CD74: variants seen among roughly 807,000 people sequenced by gnomAD.
CD74 encodes the protein HLA class II histocompatibility antigen gamma chain.
Under a neutral mutation model 37.1 loss-of-function variants are expected in CD74, and 20 were observed. The ratio of observed to expected loss-of-function variants is 0.54; its 90% CI spans 0.38 to 0.78. CD74 has a LOEUF of 0.78. Ranked by LOEUF, CD74 falls within the 30% of genes least tolerant of loss-of-function variation. The probability of loss-of-function intolerance (pLI) is 0.00; values close to 1 mark genes in which losing one functional copy is unlikely to be tolerated. For missense variants in CD74, 338 were observed against 389.5 expected (o/e 0.87, Z 1.11); for synonymous variants, 150 against 152.0 (o/e 0.99, Z 0.10).
In CD74 at chr5:150,403,871, TCAAA is replaced by T. The variant is rs1434220243; in HGVS notation, c.626-563_626-560del. ...CAGACTCTATCTCAAAAACAAACAA[TCAAA>T]CAAAAAAACACCATTACAGTTTGGA... On this transcript the variant is annotated intron_variant, in intron 6 of 8. Transcript: ENST00000009530. The surrounding 1 kb of genome is among the most constrained non-coding windows in gnomAD (Gnocchi z 4.5). Among the ~76,000 whole-genome samples, 2 of 151,912 alleles carry T rather than the reference TCAAA, an allele frequency of 1.3e-5. No homozygotes were observed. Among genetic ancestry groups the T allele is most frequent in the African/African-American group, 4.8e-5 (2 of 41,352 alleles).
chr5:150,408,657 G>C (rs776723145), intron 1 of CD74, among the ~76,000 whole-genome samples: 8 of 152,086 alleles, frequency 5.3e-5, no homozygotes, highest in Non-Finnish European at 1.2e-4. Context: ...GGATGCGACT[G>C]GGGGGTGCAT....
intron 1 of CD74, among the ~76,000 whole-genome samples, chr5:150,411,650 G>C (rs1770348561): frequency 6.6e-6 from 1 of 152,178 alleles, no homozygotes; most frequent in Non-Finnish European, 1.5e-5. Flanking sequence ...GTGTCCCCTG[G>C]ATGGCTGTGC....
chr5:150,405,049 G>A (rs1769873244), intron 5 of CD74, 36 bp downstream of exon 5: 5 of 1,586,066 alleles, frequency 3.2e-6, no homozygotes, highest in Middle Eastern at 1.7e-4. Context: ...GACACCAGAG[G>A]AAAGAGAGAG....
At chr5:150,411,635 G>A (rs1770347372) in intron 1 of CD74, among the ~76,000 whole-genome samples, 1 of 152,176 alleles carries the variant, frequency 6.6e-6, no homozygotes, top group African/African-American at 2.4e-5. Context: ...GGAAGTGGGG[G>A]CCTGGTGTCC....
Position 150,403,287 on chromosome 5 carries a change from G to A in CD74, c.651C>T (p.Val217=), listed in dbSNP as rs2151170246. ...CCGGGTGGACAGCAGGGATGTGGCT[G>A]ACCTCTTCCTGGCACTTGGTCAGTA... The part of the protein sequence containing the change: ...PKVLTKCQEE[V]SHIPAVHPGS... The change falls in exon 7 of 9, where the codon GTC becomes GTT. Residue 217 remains valine, a synonymous_variant. Coordinates refer to ENST00000009530, the MANE Select transcript of CD74 (RefSeq NM_001025159.3). The surrounding 1 kb of genome is among the most constrained non-coding windows in gnomAD (Gnocchi z 4.5). 3.1e-6 allele frequency: 5 copies of A among 1,614,054 alleles called. No individual in the cohort carries two copies. Among genetic ancestry groups the A allele is most frequent in the Non-Finnish European group, 4.2e-6 (5 of 1,179,904 alleles).
rs556953829 is a variant in CD74, at chr5:150,412,786, G to C, written c.-37C>G. ...ACCCCCCGGCTCGCCTCTTAAAGTCGGTGCTGGAGAGGAATCTGATTCGTC... is the reference window on the plus strand; with the variant it reads ...ACCCCCCGGCTCGCCTCTTAAAGTCCGTGCTGGAGAGGAATCTGATTCGTC... On this transcript the variant is annotated 5_prime_UTR_variant, in exon 1 of 9. Transcript: ENST00000009530. 1 of 1,612,394 alleles carries C rather than the reference G, an allele frequency of 6.2e-7. No individual in the cohort carries two copies. Among genetic ancestry groups the C allele is most frequent in the South Asian group, 1.1e-5 (1 of 90,976 alleles).
chr5:150,409,357 T>A (rs1237275751), intron 1 of CD74, among the ~76,000 whole-genome samples: 2 of 150,910 alleles, frequency 1.3e-5, no homozygotes, highest in African/African-American at 2.4e-5. Flanking sequence ...TGAAACCCTG[T>A]CTCTACTAAA....
intron 3 of CD74, chr5:150,406,673 C>T: frequency 1.7e-6 from 1 of 585,676 alleles, no homozygotes; most frequent in South Asian, 2.2e-5. Flanking sequence ...GAGGGCTGAG[C>T]CTTCCTCCCA....
At chr5:150,404,902 C>T in intron 5 of CD74, 135 bp from the exon 6 acceptor site, 1 of 821,656 alleles carries the variant, frequency 1.2e-6, no homozygotes, top group Non-Finnish European at 2.0e-6. Context: ...CAGCCTGGTT[C>T]CCTCTTAAAG....
intron 1 of CD74, 75 bp downstream of exon 1, chr5:150,412,550 G>A (rs11739355): frequency 0.12 from 131,030 of 1,108,326 alleles, 8,764 homozygotes; most frequent in East Asian, 0.27. Context: ...ACTCCTGGCC[G>A]GTGCTTCTTC....
Position 150,403,307 on chromosome 5 carries a change from T to G in CD74, c.631A>C (p.Thr211Pro), listed in dbSNP as rs1769753073. Residue 211 changes from threonine to proline, a missense_variant, in exon 7 of 9, where the codon ACC (threonine) becomes CCC (proline). By Grantham distance (38) the Thr-to-Pro change is conservative. Transcript: ENST00000009530. This position sits in a 1 kb window ranked among gnomAD's most constrained non-coding sequence, Gnocchi z 4.5. ...KPTDAPPKVL[T>P]KCQEEVSHIP... ...TGGCTGACCTCTTCCTGGCACTTGG[T>G]CAGTACTGAAGCGACAGGCATGATG... 22 of 1,613,736 alleles carry G rather than the reference T, an allele frequency of 1.4e-5. No individual in the cohort carries two copies. Among genetic ancestry groups the G allele is most frequent in the Non-Finnish European group, 1.8e-5 (21 of 1,179,828 alleles).
chr5:150,411,737 A>T (rs2151186324), intron 1 of CD74, among the ~76,000 whole-genome samples: 1 of 152,236 alleles, frequency 6.6e-6, no homozygotes, highest in East Asian at 1.9e-4. Flanking sequence ...CCAGAAATTT[A>T]ACCAGAGCCT....
At position 150,407,003 on chromosome 5, in the gene CD74, G is replaced by A; in HGVS notation, c.299-43C>T. ...AGGGTAAGTGTGGCCCCGGTGCCCA[G>A]GGAGGAGGGTATCAGACCCAGATGA... is the stretch of plus-strand genomic sequence containing the variant. On this transcript the variant is annotated intron_variant, in intron 2 of 8. Transcript: ENST00000009530. The surrounding 1 kb of genome is among the most constrained non-coding windows in gnomAD (Gnocchi z 4.4). 4 of 1,549,898 alleles carry A rather than the reference G, an allele frequency of 2.6e-6. No individual in the cohort carries two copies. Among genetic ancestry groups the A allele is most frequent in the Non-Finnish European group, 3.5e-6 (4 of 1,140,534 alleles).
chr5:150,410,419 G>A (rs561683768), intron 1 of CD74, among the ~76,000 whole-genome samples: 1 of 152,222 alleles, frequency 6.6e-6, no homozygotes, highest in South Asian at 2.1e-4. Context: ...GAGTAAAATC[G>A]GGTAAAACAT....
rs201892431 is a variant in CD74, at chr5:150,404,657, G to A, written c.625+23C>T. On this transcript the variant is annotated intron_variant, in intron 6 of 8. Transcript: ENST00000009530. ...CCCGAGGGTCCAGAAGCCCTGGCAC[G>A]CTAAAGCTCCCACTCCCTGTACCTT... The A allele has an allele frequency of 6.9e-4, 1,041 of 1,507,178 alleles. 1 individual carries two copies. Among genetic ancestry groups the A allele is most frequent in the Non-Finnish European group, 9.0e-4 (992 of 1,104,588 alleles). The allele number at this position is 1,507,178 out of a possible 1,614,324, so 93.4% of individuals were successfully genotyped here. A position where few individuals can be genotyped will look rare whatever the true frequency, so the allele number is the denominator to read the frequency against.
chr5:150,402,200 T>G lies in CD74; in HGVS notation c.*40A>C, dbSNP rs1381342916. ...GAAGGGAGCAAGAAAGCTGTAGCTG[T>G]GTGGGGCTGGCAGGATGTTGAAGAC... On this transcript the variant is annotated 3_prime_UTR_variant, in exon 9 of 9. Transcript: ENST00000009530. This position sits in a 1 kb window ranked among gnomAD's most constrained non-coding sequence, Gnocchi z 4.2. The G allele has an allele frequency of 6.3e-7, 1 of 1,593,726 alleles. No individual in the cohort carries two copies. The highest frequency in any genetic ancestry group is 8.5e-7 in the Non-Finnish European group (1 of 1,169,886).
chr5:150,412,553 GCTT>G, intron 1 of CD74, 69 bp downstream of exon 1: 1 of 1,155,114 alleles, frequency 8.7e-7, no homozygotes, highest in Non-Finnish European at 1.3e-6. Context: ...CCTGGCCGGT[GCTT>G]CTTCCCAGCA....
chr5:150,409,565 C>T (rs1217979611), intron 1 of CD74, among the ~76,000 whole-genome samples: 1 of 151,554 alleles, frequency 6.6e-6, no homozygotes, highest in Non-Finnish European at 1.5e-5. Context: ...TAGTGGTGGG[C>T]ACCTGTAGTC....
At position 150,403,108 on chromosome 5, in the gene CD74, T is replaced by A. The variant is rs745391651; in HGVS notation, c.817+13A>T. On this transcript the variant is annotated intron_variant, in intron 7 of 8. Coordinates refer to ENST00000009530, the MANE Select transcript of CD74 (RefSeq NM_001025159.3). The surrounding 1 kb of genome is among the most constrained non-coding windows in gnomAD (Gnocchi z 4.5). ...TCCTGGTCCTCTGACACTGGCACAG[T>A]GCCACTGCTTACCACTGCAGTTATG... is the stretch of plus-strand genomic sequence containing the variant. 2.5e-6 allele frequency: 4 copies of A among 1,608,202 alleles called. No homozygotes were observed. The highest frequency in any genetic ancestry group is 2.5e-6 in the Non-Finnish European group (3 of 1,176,734).
Sources: allele counts gnomAD v4.1 joint callset (sites outside exome capture counted in the v4.1 genomes callset), GRCh38; gene constraint gnomAD v4.1.1; non-coding constraint Gnocchi (gnomAD v3.1); transcripts MANE v1.5; gene names NCBI Gene and HGNC (gene_info 2026-07-23, HGNC 2026-07-21).